Variants in CYP24A1 observed in about 807,000 individuals in gnomAD.
CYP24A1 encodes the protein 1,25-dihydroxyvitamin D(3) 24-hydroxylase, mitochondrial.
A neutral mutation model predicts 62.4 loss-of-function variants in CYP24A1; 68 were observed. The ratio of observed to expected loss-of-function variants is 1.09; its 90% CI spans 0.90 to 1.33. The LOEUF (loss-of-function observed/expected upper bound fraction) is 1.33, where lower values mean the gene tolerates loss of function less well. Among genes scored for constraint, CYP24A1 ranks in the 40% most tolerant of loss-of-function variants. The pLI is 0.00. For synonymous variants in CYP24A1, 267 were observed against 253.0 expected, an observed-to-expected ratio of 1.06 and a Z score of -0.52; for missense variants, 787 against 653.0, an observed-to-expected ratio of 1.21 and a Z score of -2.24.
chr20:54,145,263 T>C, the CYP24A1 span, among the ~76,000 whole-genome samples: 1 of 151,384 alleles, frequency 6.6e-6, no homozygotes, highest in Non-Finnish European at 1.5e-5. Flanking sequence ...AGACTCAGCT[T>C]ATTTTTCCGG....
chr20:54,145,299 A>G, the CYP24A1 span, among the ~76,000 whole-genome samples: 1 of 151,636 alleles, frequency 6.6e-6, no homozygotes, highest in African/African-American at 2.4e-5. Flanking sequence ...AAAAAAAAAA[A>G]GATGGAATTA....
chr20:54,162,563 G>T (rs2092656217), intron 7 of CYP24A1, 154 bp downstream of exon 7: 17 of 678,876 alleles, frequency 2.5e-5, no homozygotes, highest in Non-Finnish European at 4.5e-5. Flanking sequence ...GTGCGCGGAG[G>T]CACCGTGGCA....
At chr20:54,172,458 A>G (rs546596632) in intron 2 of CYP24A1, among the ~76,000 whole-genome samples, 415 of 152,256 alleles carry the variant, frequency 2.7e-3, no homozygotes, top group Middle Eastern at 0.01. Flanking sequence ...ATGTCCCCCA[A>G]TCCTCTGCAG....
At chr20:54,159,397 GTT>G (rs10689729) in intron 7 of CYP24A1, among the ~76,000 whole-genome samples, 4 of 140,116 alleles carry the variant, frequency 2.9e-5, no homozygotes, top group Non-Finnish European at 4.6e-5. Flanking sequence ...TTTAAATACA[GTT>G]TTTTTTTTTT....
the CYP24A1 span, among the ~76,000 whole-genome samples, chr20:54,146,541 A>G: frequency 6.6e-6 from 1 of 152,246 alleles, no homozygotes; most frequent in Non-Finnish European, 1.5e-5. Context: ...TATTAAAAAG[A>G]AAACAAATGC....
intron 4 of CYP24A1, among the ~76,000 whole-genome samples, chr20:54,167,843 G>T (rs1195301306): frequency 6.6e-6 from 1 of 152,156 alleles, no homozygotes; most frequent in Non-Finnish European, 1.5e-5. Context: ...ATTTATGGAA[G>T]TGTTATAGGT....
chr20:54,159,404 T>A (rs1040222607), intron 7 of CYP24A1, among the ~76,000 whole-genome samples: 9 of 151,066 alleles, frequency 6.0e-5, no homozygotes, highest in Non-Finnish European at 1.2e-4. Flanking sequence ...ACAGTTTTTT[T>A]TTTTTTTTGA....
chr20:54,168,068 C>A (rs1452898570), intron 4 of CYP24A1, among the ~76,000 whole-genome samples: 4 of 152,180 alleles, frequency 2.6e-5, no homozygotes, highest in African/African-American at 9.6e-5. Flanking sequence ...TCTGCAGGGA[C>A]ACTCTCCTTC....
chr20:54,156,283 T>A (rs141078630), intron 11 of CYP24A1, among the ~76,000 whole-genome samples: 85 of 152,200 alleles, frequency 5.6e-4, no homozygotes, highest in Middle Eastern at 3.4e-3. Context: ...CCAGATGAAA[T>A]TAAATTTATG....
At chr20:54,156,348 G>GTAA (rs1365080517) in intron 11 of CYP24A1, among the ~76,000 whole-genome samples, 1 of 152,188 alleles carries the variant, frequency 6.6e-6, no homozygotes, top group Non-Finnish European at 1.5e-5. Context: ...CAGAAGCAAT[G>GTAA]TAAGAAGAAA....
At chr20:54,147,091 G>T in the CYP24A1 span, among the ~76,000 whole-genome samples, 1 of 152,230 alleles carries the variant, frequency 6.6e-6, no homozygotes, top group Non-Finnish European at 1.5e-5. Flanking sequence ...AGGGAAATGA[G>T]CAAGAACTAT....
At chr20:54,169,945 A>C (rs990873304) in intron 3 of CYP24A1, among the ~76,000 whole-genome samples, 1 of 151,686 alleles carries the variant, frequency 6.6e-6, no homozygotes, top group Non-Finnish European at 1.5e-5. Flanking sequence ...ATCTAAAAAT[A>C]ATTCTGGCAA....
chr20:54,144,654 A>G, the CYP24A1 span, among the ~76,000 whole-genome samples: 1 of 148,698 alleles, frequency 6.7e-6, no homozygotes, highest in East Asian at 1.9e-4. Context: ...CATATTATTA[A>G]CTAATATATT....
At chr20:54,166,333 A>G (rs2092671992) in intron 4 of CYP24A1, among the ~76,000 whole-genome samples, 1 of 152,130 alleles carries the variant, frequency 6.6e-6, no homozygotes, top group Non-Finnish European at 1.5e-5. Flanking sequence ...CCATTTCATC[A>G]TTTTATTTAG....
the CYP24A1 span, among the ~76,000 whole-genome samples, chr20:54,146,329 C>T: frequency 6.6e-6 from 1 of 152,136 alleles, no homozygotes; most frequent in African/African-American, 2.4e-5. Context: ...TCATGATCTT[C>T]TTTCCTGGCA....
intron 7 of CYP24A1, among the ~76,000 whole-genome samples, chr20:54,162,184 C>G (rs1309572720): frequency 7.4e-6 from 1 of 134,414 alleles, no homozygotes; most frequent in African/African-American, 2.9e-5. Context: ...CAATTCTAAG[C>G]AGATAAAAAT....
chr20:54,169,772 G>T, intron 3 of CYP24A1, 84 bp from the exon 4 acceptor site: 1 of 1,593,532 alleles, frequency 6.3e-7, no homozygotes. Context: ...CTAACTTCAG[G>T]TCTTGCTACA....
In CYP24A1 at chr20:54,158,119, T is replaced by TA; in HGVS notation, c.1202_1203insT (p.Thr402AsnfsTer5). On this transcript the variant is annotated frameshift_variant, in exon 9 of 12. Transcript: ENST00000216862. LOFTEE classifies it high-confidence loss of function. ...GTAAAGCATATTCACCCAGAACTGT[T>TA]GCCTTGTCAAGAGTCCGAGTTGTAA... 1 of 1,614,062 alleles carries TA rather than the reference T, an allele frequency of 6.2e-7. No individual in the cohort carries two copies.
rs2092639923 is a variant in CYP24A1 at position 54,159,007 on chromosome 20, T to A, written c.1107A>T (p.Glu369Asp). Residue 369 changes from glutamate (E) to aspartate (D), a missense_variant, in exon 8 of 12, where the codon GAA becomes GAT. By Grantham distance (45) the Glu-to-Asp change is conservative. Transcript: ENST00000216862. ...TTAAATACGGCATATTCCTCAAATC[T>A]TCTGCCCGTGGCACCTGATTCTCAG... ...VLPENQVPRA[E>D]DLRNMPYLKA... 2.5e-6 allele frequency: 4 copies of A among 1,614,162 alleles called. No individual in the cohort carries two copies. The highest frequency in any genetic ancestry group is 3.4e-6 in the Non-Finnish European group (4 of 1,180,030).
Sources: gnomAD v4.1 joint callset for allele counts (sites outside exome capture counted in the v4.1 genomes callset) on GRCh38, gnomAD v4.1.1 for gene constraint, MANE v1.5 for transcripts, NCBI Gene and HGNC (gene_info 2026-07-23, HGNC 2026-07-21) for gene names.